Variants in TNR observed in about 807,000 individuals in gnomAD.
The protein encoded by TNR is tenascin R.
In TNR, 45 loss-of-function variants were observed where a neutral mutation model predicts 150.4. The ratio of observed to expected loss-of-function variants is 0.30; its 90% CI spans 0.24 to 0.38. TNR has a LOEUF of 0.38. TNR is among the 10% of genes least tolerant of loss of function. The pLI is 1.00. For synonymous variants in TNR, 687 were observed against 678.4 expected (o/e 1.01, Z -0.20); for missense variants, 1,544 against 1,759.1 (o/e 0.88, Z 2.19).
In TNR at chr1:175,365,149, C is replaced by G. The variant is rs767499604; in HGVS notation, c.2448G>C (p.Glu816Asp). ...LNYSPRDEEE[E>D]MMEVSLDATK... ...TGGCATCCAGGGAGACCTCCATCAT[C>G]TCTTCCTCCTCATCCCTGGGGCTGT... Residue 816 changes from glutamate (E) to aspartate (D), a missense_variant, in exon 12 of 23, where the codon GAG (glutamate) becomes GAC (aspartate). Glu to Asp is a conservative substitution (Grantham distance 45). Transcript: ENST00000367674. 15 of 1,614,036 alleles carry G rather than the reference C, an allele frequency of 9.3e-6. No homozygotes were observed. The African/African-American group carries it at 1.7e-4, about 19-fold the overall frequency.
At chr1:175,457,309 G>C (rs1656611109) in intron 2 of TNR, among the ~76,000 whole-genome samples, 1 of 152,198 alleles carries the variant, frequency 6.6e-6, no homozygotes, top group Non-Finnish European at 1.5e-5. Flanking sequence ...GTGTTGGGAG[G>C]GGCTCCATTC....
At chr1:175,408,970 C>G (rs1335967089) in intron 2 of TNR, among the ~76,000 whole-genome samples, 2 of 152,144 alleles carry the variant, frequency 1.3e-5, no homozygotes, top group African/African-American at 2.4e-5. Flanking sequence ...TTGGTCACTT[C>G]CAGACAAGGT....
chr1:175,483,106 C>T (rs1657872677), intron 2 of TNR, among the ~76,000 whole-genome samples: 1 of 152,232 alleles, frequency 6.6e-6, no homozygotes, highest in African/African-American at 2.4e-5. Context: ...AAGCAAGGAG[C>T]TGTGCCAGGC....
At chr1:175,364,406 T>C (rs1351262093) in intron 12 of TNR, among the ~76,000 whole-genome samples, 1 of 152,144 alleles carries the variant, frequency 6.6e-6, no homozygotes, top group Non-Finnish European at 1.5e-5. Flanking sequence ...TTGTGAGTTC[T>C]TGTTAGTAAG....
At chr1:175,663,627 T>C (rs1253808171) in intron 1 of TNR, among the ~76,000 whole-genome samples, 3 of 152,030 alleles carry the variant, frequency 2.0e-5, no homozygotes, top group Non-Finnish European at 4.4e-5. Flanking sequence ...GATTATGATA[T>C]AGTGACTAAA....
intron 1 of TNR, among the ~76,000 whole-genome samples, chr1:175,554,939 T>A (rs1236690498): frequency 6.6e-6 from 1 of 152,200 alleles, no homozygotes; most frequent in East Asian, 1.9e-4. Flanking sequence ...GCCAAGGTCA[T>A]CCAGCAGTCG....
chr1:175,503,108 T>C (rs922363582), intron 2 of TNR, among the ~76,000 whole-genome samples: 2 of 152,086 alleles, frequency 1.3e-5, no homozygotes, highest in Admixed American at 1.3e-4. Flanking sequence ...TGGACACAGG[T>C]CCATATGAAC....
In TNR at chr1:175,578,304, C is replaced by G. The variant is rs142672261; in HGVS notation, c.-164-49935G>C. ...AGGGCAATTTAACTACATAGATAAC[C>G]AGACAATAGCAAGATGAGGGGCCAT... On this transcript the variant is annotated intron_variant, in intron 1 of 22. Coordinates refer to ENST00000367674, the MANE Select transcript of TNR (RefSeq NM_003285.3). 6.1e-3 allele frequency among the ~76,000 whole-genome samples: 930 copies of G among 151,788 alleles called. 8 individuals are homozygous for G. The highest frequency in any genetic ancestry group is 0.022 in the African/African-American group (894 of 41,324).
chr1:175,670,518 T>C (rs947349779), intron 1 of TNR, among the ~76,000 whole-genome samples: 3 of 152,244 alleles, frequency 2.0e-5, no homozygotes, highest in African/African-American at 7.2e-5. Context: ...CATTTACTTA[T>C]TCAGCTATCA....
intron 8 of TNR, among the ~76,000 whole-genome samples, chr1:175,381,666 A>G (rs1381767977): frequency 2.0e-5 from 3 of 152,212 alleles, no homozygotes; most frequent in Non-Finnish European, 1.5e-5. Flanking sequence ...GTCAAGAGCG[A>G]GGCAAAGACA....
chr1:175,658,998 C>T (rs1490530424), intron 1 of TNR, among the ~76,000 whole-genome samples: 1 of 152,198 alleles, frequency 6.6e-6, no homozygotes, highest in East Asian at 1.9e-4. Context: ...TAAGCACTTT[C>T]CAGGGTGGGA....
intron 2 of TNR, among the ~76,000 whole-genome samples, chr1:175,440,024 G>T (rs1385746421): frequency 6.6e-6 from 1 of 152,018 alleles, no homozygotes; most frequent in Non-Finnish European, 1.5e-5. Context: ...CCCATTATTG[G>T]GTATATACCC....
chr1:175,575,304 C>T (rs1662053806), intron 1 of TNR, among the ~76,000 whole-genome samples: 2 of 152,196 alleles, frequency 1.3e-5, no homozygotes, highest in African/African-American at 2.4e-5. Context: ...TTGTTTTAAG[C>T]CACTGAGCAT....
rs932061315 is a variant in TNR, at chr1:175,629,729, C to T, written c.-164-101360G>A. ...GGAGATTTGGAAGCCAAGAATTTTA[C>T]CAGTGGAAATAGGGTTAGAGGCAAT... is the stretch of plus-strand genomic sequence containing the variant. On this transcript the variant is annotated intron_variant, in intron 1 of 22. Transcript: ENST00000367674. 7.2e-5 allele frequency among the ~76,000 whole-genome samples: 11 copies of T among 152,094 alleles called. No homozygotes were observed. In the East Asian group the frequency reaches 2.1e-3, roughly 29 times the overall value.
chr1:175,529,706 T>C (rs1275499526), intron 1 of TNR, among the ~76,000 whole-genome samples: 7 of 152,228 alleles, frequency 4.6e-5, no homozygotes, highest in African/African-American at 1.7e-4. Flanking sequence ...GGCAGATAGC[T>C]CTGAGACTAG....
At position 175,408,435 on chromosome 1, in the gene TNR, G is replaced by T. The variant is rs190015114; in HGVS notation, c.-63-1658C>A. 1.6e-3 allele frequency among the ~76,000 whole-genome samples: 249 copies of T among 152,300 alleles called. 1 individual carries two copies. Among genetic ancestry groups the T allele is most frequent in the African/African-American group, 5.8e-3 (243 of 41,554 alleles). On this transcript the variant is annotated intron_variant, in intron 2 of 22. Transcript: ENST00000367674. ...TGCCTGAGGGTTGATTTTATTAGGA[G>T]TAACCTGTATTAGTGCCTAGTATAA...
At chr1:175,640,414 T>C (rs1014039894) in intron 1 of TNR, among the ~76,000 whole-genome samples, 1 of 152,250 alleles carries the variant, frequency 6.6e-6, no homozygotes, top group Non-Finnish European at 1.5e-5. Context: ...TGTTAAGCCA[T>C]GTACTGGCAC....
chr1:175,562,512 C>A (rs1400312287), intron 1 of TNR, among the ~76,000 whole-genome samples: 1 of 152,234 alleles, frequency 6.6e-6, no homozygotes, highest in African/African-American at 2.4e-5. Context: ...AACTAGGGAG[C>A]TGAACCATTG....
chr1:175,484,473 T>A (rs904367016), intron 2 of TNR, among the ~76,000 whole-genome samples: 1 of 152,152 alleles, frequency 6.6e-6, no homozygotes, highest in Non-Finnish European at 1.5e-5. Context: ...GTCCACTCTT[T>A]CCTTTTGCAG....
Sources: allele counts gnomAD v4.1 joint callset (sites outside exome capture counted in the v4.1 genomes callset), GRCh38; gene constraint gnomAD v4.1.1; transcripts MANE v1.5; gene names NCBI Gene and HGNC (gene_info 2026-07-23, HGNC 2026-07-21).